Variants in OTOGL observed in about 807,000 individuals in gnomAD.
The protein encoded by OTOGL is otogelin like.
A neutral mutation model predicts 318.5 loss-of-function variants in OTOGL; 285 were observed. That is an observed-to-expected ratio of 0.89 (90% CI 0.81 to 0.99). OTOGL has a LOEUF of 0.99. OTOGL is among the 50% of genes least tolerant of loss of function. The probability of loss-of-function intolerance (pLI) is 0.00; values close to 1 mark genes in which losing one functional copy is unlikely to be tolerated. For synonymous variants in OTOGL, 987 were observed against 936.5 expected (o/e 1.05, Z -0.99); for missense variants, 2,899 against 2,845.6 (o/e 1.02, Z -0.43).
At chr12:80,189,020 TC>T (rs1875495106) in intron 1 of OTOGL, among the ~76,000 whole-genome samples, 1 of 152,232 alleles carries the variant, frequency 6.6e-6, no homozygotes. Flanking sequence ...TATTTTCCTG[TC>T]CATGTTTCCC....
chr12:80,371,796 T>C (rs561852016), intron 56 of OTOGL, among the ~76,000 whole-genome samples: 5 of 152,288 alleles, frequency 3.3e-5, no homozygotes, highest in African/African-American at 1.2e-4. Flanking sequence ...TTTACACTCT[T>C]TTCCATAGTA....
At chr12:80,244,042 T>C (rs894737590) in intron 11 of OTOGL, among the ~76,000 whole-genome samples, 3 of 151,314 alleles carry the variant, frequency 2.0e-5, no homozygotes, top group African/African-American at 7.3e-5. Flanking sequence ...ACTCAGAATA[T>C]CTTGGCTAAA....
Position 80,305,551 on chromosome 12 carries a change from T to C in OTOGL, c.3214-25T>C, listed in dbSNP as rs755626320. 2.1e-5 allele frequency: 32 copies of C among 1,492,778 alleles called. No homozygotes were observed. In the South Asian group the frequency reaches 4.2e-4, roughly 20 times the overall value. 92.5% of individuals were successfully genotyped at this position (1,492,778 alleles called of 1,614,324 possible). On this transcript the variant is annotated intron_variant, in intron 28 of 58. Transcript: ENST00000547103. The stretch of plus-strand genomic sequence containing the variant: ...AATGTTAAAGTGAAAACAGAATATT[T>C]CCTGGTGATTTTCTCTTACTTTAGA...
At chr12:80,163,025 A>G (rs1325133066) in intron 1 of OTOGL, among the ~76,000 whole-genome samples, 1 of 152,076 alleles carries the variant, frequency 6.6e-6, no homozygotes, top group Non-Finnish European at 1.5e-5. Context: ...TAGACTAAAG[A>G]TATTCTTTCC....
chr12:80,226,177 AACAC>A (rs35975748), intron 7 of OTOGL, among the ~76,000 whole-genome samples: 15,518 of 132,770 alleles, frequency 0.12, 846 homozygotes, highest in East Asian at 0.2. Context: ...TCCTGCTCCT[AACAC>A]ACACACACAC....
At chr12:80,233,224 G>A (rs1052557684) in intron 9 of OTOGL, 127 bp downstream of exon 9, 5 of 765,766 alleles carry the variant, frequency 6.5e-6, no homozygotes, top group Non-Finnish European at 1.0e-5. Context: ...GCCTGCTTTA[G>A]TGATTTTAAG....
At chr12:80,346,427 T>C (rs944283762) in intron 44 of OTOGL, among the ~76,000 whole-genome samples, 2 of 152,132 alleles carry the variant, frequency 1.3e-5, no homozygotes, top group Non-Finnish European at 2.9e-5. Context: ...ATTTGCTCAA[T>C]AGATCTGTAT....
At chr12:80,367,142 T>G (rs1421548461) in intron 53 of OTOGL, among the ~76,000 whole-genome samples, 3 of 94 alleles carry the variant, frequency 0.032, no homozygotes, top group African/African-American at 0.039. Flanking sequence ...ATACCCAGCT[T>G]TTTTTTTTTT....
At chr12:80,173,019 A>G (rs1260746518) in intron 1 of OTOGL, among the ~76,000 whole-genome samples, 2 of 152,166 alleles carry the variant, frequency 1.3e-5, no homozygotes, top group African/African-American at 4.8e-5. Flanking sequence ...TGTTCTGTGC[A>G]GCAAACCACC....
chr12:80,289,643 G>A (rs111608636), intron 26 of OTOGL, among the ~76,000 whole-genome samples: 15 of 152,182 alleles, frequency 9.9e-5, no homozygotes, highest in East Asian at 3.9e-4. Flanking sequence ...ACTTTGCCAC[G>A]CTGTGATGTG....
chr12:80,170,666 T>G (rs1874146472), intron 1 of OTOGL, among the ~76,000 whole-genome samples: 2 of 152,098 alleles, frequency 1.3e-5, no homozygotes, highest in South Asian at 4.1e-4. Context: ...ACTCTTGACC[T>G]CAGGTGATCT....
intron 1 of OTOGL, among the ~76,000 whole-genome samples, chr12:80,173,882 G>A (rs1260645157): frequency 6.6e-6 from 1 of 152,156 alleles, no homozygotes; most frequent in Non-Finnish European, 1.5e-5. Flanking sequence ...GTAAAGAGGA[G>A]CTCAGTCAGA....
intron 26 of OTOGL, among the ~76,000 whole-genome samples, chr12:80,287,532 A>G (rs1884726888): frequency 6.7e-6 from 1 of 148,202 alleles, no homozygotes; most frequent in African/African-American, 2.7e-5. Context: ...GTGAGAGTCT[A>G]AGTCTCTTTG....
intron 29 of OTOGL, among the ~76,000 whole-genome samples, chr12:80,308,381 A>C (rs1175121289): frequency 6.6e-6 from 1 of 151,174 alleles, no homozygotes; most frequent in Non-Finnish European, 1.5e-5. Flanking sequence ...GCGGCAGGGC[A>C]GAGGTGCTCC....
intron 1 of OTOGL, among the ~76,000 whole-genome samples, chr12:80,148,096 A>T (rs1219161760): frequency 3.3e-5 from 5 of 151,260 alleles, no homozygotes; most frequent in Non-Finnish European, 7.4e-5. Flanking sequence ...TCCTGTCATG[A>T]TGATGTTAGC....
At chr12:80,173,227 GAATGGCTACT>G (rs1244641489) in intron 1 of OTOGL, among the ~76,000 whole-genome samples, 1 of 151,760 alleles carries the variant, frequency 6.6e-6, no homozygotes, top group African/African-American at 2.4e-5. Context: ...GGAGATAAAG[GAATGGCTACT>G]CCACAGACGG....
intron 57 of OTOGL, 88 bp downstream of exon 57, chr12:80,372,152 C>A (rs535635761): frequency 2.1e-6 from 2 of 933,732 alleles, no homozygotes; most frequent in Non-Finnish European, 3.0e-6. Flanking sequence ...AAATTCAATT[C>A]CTATGATGCA....
Position 80,270,171 on chromosome 12 carries a change from T to C in OTOGL, c.2518+17T>C, listed in dbSNP as rs777185950. On this transcript the variant is annotated intron_variant, in intron 23 of 58. Transcript: ENST00000547103. ...CCTCTGCTGGTAAGATCTTAAAAGA[T>C]GTTTTCCTGAATGAGGGTTCAGCTC... 1.9e-6 allele frequency: 3 copies of C among 1,584,970 alleles called. No individual in the cohort carries two copies. The highest frequency in any genetic ancestry group is 2.6e-6 in the Non-Finnish European group (3 of 1,155,640).
At chr12:80,126,468 T>C (rs1373532219) in intron 1 of OTOGL, among the ~76,000 whole-genome samples, 1 of 152,190 alleles carries the variant, frequency 6.6e-6, no homozygotes, top group Admixed American at 6.5e-5. Flanking sequence ...AACTATGTGG[T>C]CAATTTTGGA....
Sources: gnomAD v4.1 joint callset for allele counts (sites outside exome capture counted in the v4.1 genomes callset) on GRCh38, gnomAD v4.1.1 for gene constraint, MANE v1.5 for transcripts, NCBI Gene and HGNC (gene_info 2026-07-23, HGNC 2026-07-21) for gene names.